GRIA3: variants seen among roughly 807,000 people sequenced by gnomAD.
The protein encoded by GRIA3 is glutamate receptor 3.
In GRIA3, 3 loss-of-function variants were observed where a neutral mutation model predicts 63.0. That is an observed-to-expected ratio of 0.05 (90% CI 0.02 to 0.12). The LOEUF (loss-of-function observed/expected upper bound fraction) is 0.12, where lower values mean the gene tolerates loss of function less well. Among genes scored for constraint, GRIA3 ranks in the 10% least tolerant of loss-of-function variants. The pLI is 1.00. For synonymous variants in GRIA3, 274 were observed against 257.9 expected (o/e 1.06, Z -0.60); for missense variants, 347 against 700.9 (o/e 0.50, Z 5.70).
At position 123,431,237 on chromosome X, in the gene GRIA3, G is replaced by T. The variant is rs948839451; in HGVS notation, c.2076+3098G>T. Among the ~76,000 whole-genome samples the T allele has an allele frequency of 2.7e-5, 3 of 112,584 alleles. No homozygotes were observed. In the East Asian group the frequency reaches 8.4e-4, roughly 32 times the overall value. On this transcript the variant is annotated intron_variant, in intron 12 of 15. Transcript: ENST00000620443. ...CAGCCCTCTAGTCCTTCCACTAAGA[G>T]ATAGGAATAAATAAAATAAAATTCT... is the stretch of plus-strand genomic sequence containing the variant.
Position 123,346,962 on chromosome X carries a change from G to A in GRIA3, c.697-7948G>A, listed in dbSNP as rs754346487. Among the ~76,000 whole-genome samples, 5 of 112,254 alleles carry A rather than the reference G, an allele frequency of 4.5e-5. No individual in the cohort carries two copies. In the South Asian group the frequency reaches 1.5e-3, roughly 34 times the overall value. On this transcript the variant is annotated intron_variant, in intron 4 of 15. Transcript: ENST00000620443. ...GTATGCTGGAAAACTGGCTCCCAGA[G>A]AGCAAAATAAAAAGCCCTGATTTGT... is the stretch of plus-strand genomic sequence containing the variant.
chrX:123,437,841 T>C (rs776284788), intron 12 of GRIA3, among the ~76,000 whole-genome samples: 17 of 111,907 alleles, frequency 1.5e-4, no homozygotes, highest in Non-Finnish European at 2.1e-4. Context: ...TTCCAAAGCG[T>C]TGGAGAACGT....
chrX:123,380,954 T>C (rs1423813244), intron 5 of GRIA3, among the ~76,000 whole-genome samples: 4 of 111,362 alleles, frequency 3.6e-5, no homozygotes, highest in Non-Finnish European at 7.5e-5. Flanking sequence ...CAGATAGTTG[T>C]GGATATGTGG....
chrX:123,381,115 A>G (rs2045321824), intron 5 of GRIA3, among the ~76,000 whole-genome samples: 1 of 111,670 alleles, frequency 9.0e-6, no homozygotes, highest in Non-Finnish European at 1.9e-5. Flanking sequence ...CTATCTATAT[A>G]TTTTATTCTC....
intron 11 of GRIA3, among the ~76,000 whole-genome samples, chrX:123,424,620 G>GTA (rs913594458): frequency 2.7e-5 from 3 of 111,398 alleles, no homozygotes; most frequent in Non-Finnish European, 5.7e-5. Flanking sequence ...ATGATCATAG[G>GTA]TATATCATGA....
intron 11 of GRIA3, among the ~76,000 whole-genome samples, chrX:123,425,068 C>T (rs1048466861): frequency 9.0e-6 from 1 of 111,712 alleles, no homozygotes; most frequent in Non-Finnish European, 1.9e-5. Context: ...ACAGTTCTGT[C>T]CCAAATGAAC....
chrX:123,217,948 CCG>C (rs1928199243), intron 2 of GRIA3, among the ~76,000 whole-genome samples: 1 of 112,504 alleles, frequency 8.9e-6, no homozygotes, highest in Non-Finnish European at 1.9e-5. Context: ...TGAATTATTT[CCG>C]ACAGATTGCA....
At chrX:123,408,990 A>T (rs1321586977) in intron 10 of GRIA3, among the ~76,000 whole-genome samples, 1 of 112,333 alleles carries the variant, frequency 8.9e-6, no homozygotes, top group East Asian at 2.8e-4. Context: ...GGAAGTTTTC[A>T]ACTTCTCTAT....
At chrX:123,197,392 G>A (rs1280807508) in intron 2 of GRIA3, among the ~76,000 whole-genome samples, 1 of 111,467 alleles carries the variant, frequency 9.0e-6, no homozygotes, top group Non-Finnish European at 1.9e-5. Context: ...AGGTGTGGTG[G>A]TGTGTGCCTG....
At chrX:123,437,080 C>T (rs755090886) in intron 12 of GRIA3, among the ~76,000 whole-genome samples, 1 of 108,425 alleles carries the variant, frequency 9.2e-6, no homozygotes, top group African/African-American at 3.3e-5. Flanking sequence ...CACACAAAAA[C>T]TTGATAAGAA....
chrX:123,403,304 A>T (rs1231150156), intron 8 of GRIA3, 108 bp from the exon 9 acceptor site: 29 of 645,275 alleles, frequency 4.5e-5, no homozygotes, highest in Non-Finnish European at 6.8e-5. Context: ...CAGGATGTCA[A>T]TCCTTATAGA....
intron 3 of GRIA3, among the ~76,000 whole-genome samples, chrX:123,288,754 A>C (rs1289986269): frequency 8.9e-6 from 1 of 112,145 alleles, no homozygotes; most frequent in Non-Finnish European, 1.9e-5. Flanking sequence ...GCGATCATTA[A>C]AAAGTCAGGA....
chrX:123,461,616 A>AT (rs975351831), intron 12 of GRIA3, among the ~76,000 whole-genome samples: 4 of 110,717 alleles, frequency 3.6e-5, no homozygotes, highest in Middle Eastern at 4.6e-3. Flanking sequence ...AAGAGTTTGG[A>AT]TTTTTTTTTC....
At chrX:123,326,309 T>A in intron 4 of GRIA3, 96 bp downstream of exon 4, 1 of 680,188 alleles carries the variant, frequency 1.5e-6, no homozygotes, top group Non-Finnish European at 2.3e-6. Flanking sequence ...GCCAACAGAC[T>A]AAACGTGCCA....
chrX:123,451,789 G>A (rs1419770065), intron 12 of GRIA3, among the ~76,000 whole-genome samples: 1 of 109,556 alleles, frequency 9.1e-6, no homozygotes, highest in Non-Finnish European at 1.9e-5. Flanking sequence ...CAGGGGTGGG[G>A]GAGAATCAAG....
At chrX:123,227,110 C>T (rs1430323264) in intron 2 of GRIA3, among the ~76,000 whole-genome samples, 1 of 111,578 alleles carries the variant, frequency 9.0e-6, no homozygotes, top group Admixed American at 9.5e-5. Context: ...CCTCTTTTTC[C>T]CTTTTCCCAC....
intron 3 of GRIA3, among the ~76,000 whole-genome samples, chrX:123,259,527 A>T (rs917733891): frequency 9.1e-5 from 10 of 109,897 alleles, no homozygotes; most frequent in Non-Finnish European, 1.7e-4. Flanking sequence ...ACACACACAC[A>T]CACCTCAATA....
At chrX:123,484,475 G>A (rs2045930441) in intron 15 of GRIA3, among the ~76,000 whole-genome samples, 1 of 110,467 alleles carries the variant, frequency 9.1e-6, no homozygotes, top group African/African-American at 3.3e-5. Context: ...TTTTTTGGGG[G>A]GTGTTCTGTT....
At chrX:123,467,193 G>A (rs2045838908) in intron 13 of GRIA3, among the ~76,000 whole-genome samples, 1 of 112,167 alleles carries the variant, frequency 8.9e-6, no homozygotes, top group South Asian at 3.7e-4. Context: ...TACTTACCAA[G>A]AGATGACCTA....
Sources: allele counts gnomAD v4.1 joint callset (sites outside exome capture counted in the v4.1 genomes callset), GRCh38; gene constraint gnomAD v4.1.1; transcripts MANE v1.5; gene names NCBI Gene and HGNC (gene_info 2026-07-23, HGNC 2026-07-21).